Variants in DOCK8 observed in about 807,000 individuals in gnomAD.
DOCK8 encodes the protein dedicator of cytokinesis 8.
DOCK8 carries 141 observed loss-of-function variants against 245.6 expected under a neutral mutation model. That is an observed-to-expected ratio of 0.57 (90% confidence interval 0.50 to 0.66). The LOEUF (loss-of-function observed/expected upper bound fraction) is 0.66, where lower values mean the gene tolerates loss of function less well. Among genes scored for constraint, DOCK8 ranks in the 30% least tolerant of loss-of-function variants. The probability of loss-of-function intolerance (pLI) is 0.00; values close to 1 mark genes in which losing one functional copy is unlikely to be tolerated. For synonymous variants in DOCK8, 1,168 were observed against 970.2 expected (o/e 1.20, Z -3.79); for missense variants, 2,965 against 2,603.4 (o/e 1.14, Z -3.02).
chr9:433,753 C>A, intron 37 of DOCK8, 122 bp from the exon 38 acceptor site: 1 of 801,066 alleles, frequency 1.2e-6, no homozygotes, highest in South Asian at 1.4e-5. Flanking sequence ...TCCGCCATCC[C>A]TAGTCTCTGC....
chr9:448,384 A>C (rs1042039447), intron 44 of DOCK8, among the ~76,000 whole-genome samples: 5 of 152,202 alleles, frequency 3.3e-5, no homozygotes, highest in African/African-American at 1.2e-4. Flanking sequence ...CTGGGATTAC[A>C]AGTGTGAGCC....
At chr9:403,930 GTGTA>G (rs1237576754) in intron 26 of DOCK8, among the ~76,000 whole-genome samples, 1 of 76,888 alleles carries the variant, frequency 1.3e-5, no homozygotes, top group African/African-American at 5.6e-5. Context: ...ATATATATAT[GTGTA>G]TATATATATG....
chr9:326,738 A>G (rs2050781415), intron 8 of DOCK8, among the ~76,000 whole-genome samples: 1 of 152,216 alleles, frequency 6.6e-6, no homozygotes, highest in Non-Finnish European at 1.5e-5. Context: ...TCTCTCCCCA[A>G]ATTACTCTTG....
intron 34 of DOCK8, among the ~76,000 whole-genome samples, chr9:427,186 T>G (rs1352983428): frequency 6.6e-6 from 1 of 152,234 alleles, no homozygotes; most frequent in Non-Finnish European, 1.5e-5. Context: ...CTTCTTTGAC[T>G]TAGGGCTTAC....
chr9:317,367 T>G (rs1168187262), intron 7 of DOCK8, among the ~76,000 whole-genome samples: 3 of 152,102 alleles, frequency 2.0e-5, no homozygotes, highest in Admixed American at 2.0e-4. Context: ...TCTACTAAAG[T>G]TAGGCAGGTA....
rs768483887 is a variant in DOCK8, at chr9:234,397, G to A, written c.53+19368G>A. Reference sequence around the variant, plus strand: ...GTCTTGGAATTGCTTTTCTCAAGGAGTATCTTTGTGGCGTTCTCTGTATTT... The same window carrying A: ...GTCTTGGAATTGCTTTTCTCAAGGAATATCTTTGTGGCGTTCTCTGTATTT... On this transcript the variant is annotated intron_variant, in intron 1 of 47. Transcript: ENST00000432829. Among the ~76,000 whole-genome samples the A allele has an allele frequency of 3.3e-5, 5 of 152,144 alleles. 1 individual carries two copies. Among genetic ancestry groups the A allele is most frequent in the Admixed American group, 2.6e-4 (4 of 15,268 alleles).
chr9:265,613 G>GT (rs968517983), intron 1 of DOCK8, among the ~76,000 whole-genome samples: 7 of 151,582 alleles, frequency 4.6e-5, no homozygotes, highest in East Asian at 1.9e-4. Flanking sequence ...TATAGACAAA[G>GT]TTTTTTTTTC....
upstream of DOCK8, chr9:214,491 C>A: frequency 6.2e-7 from 1 of 1,609,342 alleles, no homozygotes; most frequent in Non-Finnish European, 8.5e-7. Context: ...TGGTGTCAAC[C>A]CTTAATAACA....
intron 36 of DOCK8, 119 bp downstream of exon 36, chr9:429,973 GAAAGAAACAATTGAGTATGTAGATAGAT>G (rs1344736018): frequency 7.9e-7 from 1 of 1,258,810 alleles, no homozygotes; most frequent in Non-Finnish European, 1.1e-6. Context: ...TGTCCTGTGA[GAAAGAAACAATTGAGTATGTAGATAGAT>G]AGCAGCTTCC....
chr9:427,919 T>C (rs1564056206), intron 34 of DOCK8, among the ~76,000 whole-genome samples: 1 of 152,212 alleles, frequency 6.6e-6, no homozygotes. Flanking sequence ...TGAAACCTTT[T>C]GTTATTATCC....
At chr9:307,791 G>A (rs1265408578) in intron 5 of DOCK8, among the ~76,000 whole-genome samples, 1 of 152,128 alleles carries the variant, frequency 6.6e-6, no homozygotes, top group Non-Finnish European at 1.5e-5. Flanking sequence ...ACTATTCACA[G>A]TAACCAAGAC....
chr9:259,704 A>G (rs1468127579), intron 1 of DOCK8, among the ~76,000 whole-genome samples: 1 of 152,254 alleles, frequency 6.6e-6, no homozygotes, highest in African/African-American at 2.4e-5. Context: ...ACCTTCTGCA[A>G]TCCTAATAAT....
chr9:444,845 C>T (rs2057202318), intron 43 of DOCK8, among the ~76,000 whole-genome samples: 1 of 152,172 alleles, frequency 6.6e-6, no homozygotes. Context: ...CCCACTCAGC[C>T]CAACTCACAT....
In DOCK8 at chr9:271,739, A is replaced by C. The variant is rs1475127333; in HGVS notation, c.156+10A>C. The stretch of plus-strand genomic sequence containing the variant: ...CCCCTCTCTTCAACTAGTAAGTATG[A>C]GTTCCAGGTTTACTTAGCGATTGGT... On this transcript the variant is annotated intron_variant, in intron 2 of 47. Coordinates refer to ENST00000432829, the MANE Select transcript of DOCK8 (RefSeq NM_203447.4). The C allele has an allele frequency of 6.5e-7, 1 of 1,541,090 alleles. No homozygotes were observed. Among genetic ancestry groups the C allele is most frequent in the Non-Finnish European group, 8.8e-7 (1 of 1,137,426 alleles).
chr9:282,612 CAG>C (rs2048639893), intron 2 of DOCK8, among the ~76,000 whole-genome samples: 1 of 151,772 alleles, frequency 6.6e-6, no homozygotes, highest in East Asian at 1.9e-4. Flanking sequence ...ATTGTAAAGA[CAG>C]AGTCTCACTT....
chr9:346,866 A>G (rs1194505635), intron 14 of DOCK8, among the ~76,000 whole-genome samples: 1 of 148,234 alleles, frequency 6.7e-6, no homozygotes, highest in Non-Finnish European at 1.5e-5. Context: ...TTCTAAGGAA[A>G]GAAATGAACC....
In DOCK8 at chr9:464,142, T is replaced by G; in HGVS notation, c.6240-17T>G. 6.2e-7 allele frequency: 1 copy of G among 1,607,286 alleles called. No individual in the cohort carries two copies. The highest frequency in any genetic ancestry group is 8.5e-7 in the Non-Finnish European group (1 of 1,173,732). On this transcript the variant is annotated splice_polypyrimidine_tract_variant and intron_variant, in intron 47 of 47. Transcript: ENST00000432829. ...ACGCTCTCTTTCCCTCTCCTCCCTC[T>G]CTTTTCTTAATTTCAGGGACTCCTT...
At chr9:439,006 A>T (rs929655118) in intron 39 of DOCK8, among the ~76,000 whole-genome samples, 4 of 152,206 alleles carry the variant, frequency 2.6e-5, no homozygotes, top group African/African-American at 9.7e-5. Flanking sequence ...AGTGTCCTTT[A>T]TACAAAATCT....
intron 4 of DOCK8, among the ~76,000 whole-genome samples, chr9:298,696 T>C (rs2049385311): frequency 6.6e-6 from 1 of 151,824 alleles, no homozygotes; most frequent in Non-Finnish European, 1.5e-5. Flanking sequence ...GTAAACACTC[T>C]TGGAAATAGC....
Sources: gnomAD v4.1 joint callset for allele counts (sites outside exome capture counted in the v4.1 genomes callset) on GRCh38, gnomAD v4.1.1 for gene constraint, MANE v1.5 for transcripts, NCBI Gene and HGNC (gene_info 2026-07-23, HGNC 2026-07-21) for gene names.